The following GPCPD1 variants were observed in gnomAD, a reference collection of about 807,000 sequenced individuals.
GPCPD1 encodes the protein glycerophosphocholine phosphodiesterase GPCPD1.
Under a neutral mutation model 89.2 loss-of-function variants are expected in GPCPD1, and 29 were observed. That is an observed-to-expected ratio of 0.33 (90% CI 0.24 to 0.44). GPCPD1 has a LOEUF of 0.44. GPCPD1 is among the 20% of genes least tolerant of loss of function. GPCPD1 has a pLI of 1.00. For missense variants in GPCPD1, 594 were observed against 808.9 expected, an observed-to-expected ratio of 0.73 and a Z score of 3.22; for synonymous variants, 258 against 266.3, an observed-to-expected ratio of 0.97 and a Z score of 0.30.
intron 13 of GPCPD1, among the ~76,000 whole-genome samples, 193 bp from the exon 14 acceptor site, chr20:5,566,965 TACTCA>T (rs1381075754): frequency 2.6e-5 from 4 of 152,128 alleles, no homozygotes; most frequent in African/African-American, 9.7e-5. Flanking sequence ...AATGATCAAA[TACTCA>T]ATTAGGGAAG....
At chr20:5,549,309 A>G in intron 19 of GPCPD1, 3 of 997,044 alleles carry the variant, frequency 3.0e-6, no homozygotes, top group Non-Finnish European at 4.7e-6. Flanking sequence ...GCTAAAGGTG[A>G]TAAGATAGCA....
intron 3 of GPCPD1, among the ~76,000 whole-genome samples, chr20:5,593,774 TAA>T (rs909235959): frequency 3.9e-5 from 6 of 152,196 alleles, no homozygotes; most frequent in Admixed American, 2.0e-4. Flanking sequence ...AGAGCCAGGA[TAA>T]GTTTCCAAAC....
intron 19 of GPCPD1, among the ~76,000 whole-genome samples, chr20:5,555,812 C>T (rs112901534): frequency 4.6e-5 from 7 of 152,338 alleles, no homozygotes; most frequent in African/African-American, 1.7e-4. Context: ...CAAGATCATG[C>T]CATTGCACTC....
intron 11 of GPCPD1, among the ~76,000 whole-genome samples, chr20:5,573,561 C>T (rs1161488587): frequency 6.6e-6 from 1 of 152,056 alleles, no homozygotes. Flanking sequence ...CATAGTGAGA[C>T]CCTGAATCTA....
intron 1 of GPCPD1, among the ~76,000 whole-genome samples, chr20:5,610,587 A>C (rs1980898553): frequency 6.6e-6 from 1 of 152,110 alleles, no homozygotes; most frequent in African/African-American, 2.4e-5. Context: ...TTAGAAGGGA[A>C]CTAAGCCCCA....
chr20:5,593,020 G>A (rs1465155055), intron 4 of GPCPD1, among the ~76,000 whole-genome samples: 1 of 152,106 alleles, frequency 6.6e-6, no homozygotes, highest in African/African-American at 2.4e-5. Context: ...AAAAGTAAAA[G>A]CTCTGCAAGT....
chr20:5,550,922 C>A (rs1228159448), intron 19 of GPCPD1, among the ~76,000 whole-genome samples: 1 of 152,176 alleles, frequency 6.6e-6, no homozygotes, highest in African/African-American at 2.4e-5. Flanking sequence ...ACTGGAGCAG[C>A]CCGGTGGAGA....
At position 5,561,481 on chromosome 20, in the gene GPCPD1, C is replaced by T; in HGVS notation, c.1379G>A (p.Trp460Ter). 2 of 1,581,096 alleles carry T rather than the reference C, an allele frequency of 1.3e-6. No homozygotes were observed. The highest frequency in any genetic ancestry group is 1.7e-6 in the Non-Finnish European group (2 of 1,151,224). The part of the protein sequence containing the change: ...EDVGFNIEIK[W>*]ICQQRDGMWD... ...ATTACTTACCCTTTGCTGGCAGATC[C>T]ATTTTATTTCAATGTTAAACCCTAC... Residue 460 changes from tryptophan to a stop codon, truncating the protein, a stop_gained, in exon 16 of 20, where the codon TGG becomes TAG. Transcript: ENST00000379019. LOFTEE classifies it high-confidence loss of function.
chr20:5,593,496 TA>T, intron 3 of GPCPD1, 85 bp from the exon 4 acceptor site: 1 of 744,280 alleles, frequency 1.3e-6, no homozygotes, highest in South Asian at 1.5e-5. Flanking sequence ...ACTCCTCAAA[TA>T]AAACGTATGA....
rs1169924397 is a variant in GPCPD1, at chr20:5,560,064, C to T, written c.1408G>A (p.Asp470Asn). ...WICQQRDGMW[D>N]GNLSTYFDMN... Reference sequence around the variant, plus strand: ...TCAAAATATGTTGATAAGTTACCATCCCACATTCCATCCTAGTGAAAGAGA... The same window carrying T: ...TCAAAATATGTTGATAAGTTACCATTCCACATTCCATCCTAGTGAAAGAGA... The change falls in exon 17 of 20, where the codon GAT (aspartate) becomes AAT (asparagine). Residue 470 changes from aspartate (D) to asparagine (N), a missense_variant. Transcript: ENST00000379019. The T allele has an allele frequency of 1.9e-6, 3 of 1,568,026 alleles. No individual in the cohort carries two copies. The highest frequency in any genetic ancestry group is 2.8e-5 in the African/African-American group (2 of 72,328).
rs536712673 is a variant in GPCPD1, at chr20:5,547,491, G to T, written c.*170C>A. On this transcript the variant is annotated 3_prime_UTR_variant, in exon 20 of 20. Coordinates refer to ENST00000379019, the MANE Select transcript of GPCPD1 (RefSeq NM_019593.5). ...CTGACTGGCAATTATACCTGGCCAA[G>T]TAATTTAAATAGCATACTTGCAAGA... The T allele has an allele frequency of 1.2e-5, 5 of 401,358 alleles. No individual in the cohort carries two copies. The South Asian group carries it at 3.2e-4, about 26-fold the overall frequency. The allele number at this position is 401,358 out of a possible 1,614,324, so 24.9% of individuals were successfully genotyped here. A position where few individuals can be genotyped will look rare whatever the true frequency, so the allele number is the denominator to read the frequency against.
chr20:5,591,566 G>A (rs1161475365), intron 4 of GPCPD1, among the ~76,000 whole-genome samples: 1 of 152,020 alleles, frequency 6.6e-6, no homozygotes, highest in East Asian at 1.9e-4. Context: ...TTCATTATTT[G>A]TTTTCCTATC....
At chr20:5,557,807 A>G (rs1985860933) in intron 19 of GPCPD1, 138 bp downstream of exon 19, 1 of 580,052 alleles carries the variant, frequency 1.7e-6, no homozygotes, top group African/African-American at 1.9e-5. Flanking sequence ...CTTTGAAAAC[A>G]CCCACAGGCA....
chr20:5,581,224 T>C (rs1227427857), intron 6 of GPCPD1, among the ~76,000 whole-genome samples: 1 of 152,224 alleles, frequency 6.6e-6, no homozygotes, highest in Non-Finnish European at 1.5e-5. Flanking sequence ...ACACTGGTAC[T>C]CTTCTCCCCA....
chr20:5,581,697 A>G (rs1318231284), intron 6 of GPCPD1, among the ~76,000 whole-genome samples: 1 of 152,116 alleles, frequency 6.6e-6, no homozygotes, highest in Non-Finnish European at 1.5e-5. Flanking sequence ...GAAGCTGTCA[A>G]CTGTTTTGGA....
chr20:5,558,889 G>C, intron 17 of GPCPD1, 70 bp from the exon 18 acceptor site: 1 of 1,128,436 alleles, frequency 8.9e-7, no homozygotes, highest in Non-Finnish European at 1.3e-6. Flanking sequence ...TGGAATTTTA[G>C]AAAACACTGA....
chr20:5,581,107 C>T (rs895939751), intron 6 of GPCPD1, among the ~76,000 whole-genome samples: 5 of 152,094 alleles, frequency 3.3e-5, no homozygotes, highest in East Asian at 1.9e-4. Context: ...AAACTCCTGA[C>T]GTCAAGTGAT....
intron 4 of GPCPD1, among the ~76,000 whole-genome samples, chr20:5,592,499 T>C (rs1365326676): frequency 6.6e-6 from 1 of 152,226 alleles, no homozygotes; most frequent in African/African-American, 2.4e-5. Context: ...CTTTGTATAA[T>C]GGTGGCTAAG....
chr20:5,580,300 C>T (rs749382651), intron 6 of GPCPD1, among the ~76,000 whole-genome samples, 169 bp from the exon 7 acceptor site: 1 of 151,962 alleles, frequency 6.6e-6, no homozygotes, highest in Non-Finnish European at 1.5e-5. Flanking sequence ...TTCCTAAACC[C>T]CTGCCTAAAC....
Sources: gnomAD v4.1 joint callset for allele counts (sites outside exome capture counted in the v4.1 genomes callset) on GRCh38, gnomAD v4.1.1 for gene constraint, MANE v1.5 for transcripts, NCBI Gene and HGNC (gene_info 2026-07-23, HGNC 2026-07-21) for gene names.